SUSD2: variants seen among roughly 807,000 people sequenced by gnomAD.
The protein encoded by SUSD2 is sushi domain-containing protein 2.
Under a neutral mutation model 93.8 loss-of-function variants are expected in SUSD2, and 86 were observed. The observed-to-expected ratio is 0.92, with a 90% CI of 0.77 to 1.10. The LOEUF is 1.10. Ranked by LOEUF, SUSD2 falls within the 50% of genes least tolerant of loss-of-function variation. The probability of loss-of-function intolerance (pLI) is 0.00; values close to 1 mark genes in which losing one functional copy is unlikely to be tolerated. For missense variants in SUSD2, 1,060 were observed against 1,137.0 expected (o/e 0.93, Z 0.97); for synonymous variants, 483 against 485.0 (o/e 1.00, Z 0.05).
At position 24,188,639 on chromosome 22, in the gene SUSD2, G is replaced by T. The variant is rs2047386898; in HGVS notation, c.*203G>T. 3.4e-6 allele frequency: 2 copies of T among 581,610 alleles called. No homozygotes were observed. Among genetic ancestry groups the T allele is most frequent in the African/African-American group, 1.9e-5 (1 of 53,652 alleles). The allele number at this position is 581,610 out of a possible 1,614,324, so 36.0% of individuals were successfully genotyped here. A position where few individuals can be genotyped will look rare whatever the true frequency, so the allele number is the denominator to read the frequency against. On this transcript the variant is annotated 3_prime_UTR_variant, in exon 15 of 15. Coordinates refer to ENST00000358321, the MANE Select transcript of SUSD2 (RefSeq NM_019601.4). The surrounding 1 kb of genome is among the most constrained non-coding windows in gnomAD (Gnocchi z 4.7). ...AAGCCCCGTGCTAGCAGCGCTCCGT[G>T]CTCTTCCCCAAATACTCACGGCTCT...
At chr22:24,182,831 C>T (rs536452688) in intron 1 of SUSD2, 19 of 561,700 alleles carry the variant, frequency 3.4e-5, no homozygotes, top group Admixed American at 2.3e-4. Flanking sequence ...CATTCTAGCC[C>T]GTCAGTCAGG....
Position 24,187,275 on chromosome 22 carries a change from C to T in SUSD2, c.1716C>T (p.Ser572=), listed in dbSNP as rs775485675. 6.2e-6 allele frequency: 10 copies of T among 1,614,034 alleles called. No individual in the cohort carries two copies. The highest frequency in any genetic ancestry group is 2.2e-5 in the East Asian group (1 of 44,864). The change falls in exon 11 of 15, where the codon AGC becomes AGT. Residue 572 remains serine (S), a synonymous_variant. Coordinates refer to ENST00000358321, the MANE Select transcript of SUSD2 (RefSeq NM_019601.4). ...MLASGAGLEV[S]VQGPFLSVSV... is the part of the protein sequence containing the mutation. ...CATCAGGGGCCGGCCTGGAGGTCAG[C>T]GTGCAGGGCCCGTTCCTGAGTGTGT...
In SUSD2 at chr22:24,185,683, C is replaced by G; in HGVS notation, c.1093C>G (p.Gln365Glu). The G allele has an allele frequency of 6.2e-7, 1 of 1,610,612 alleles. No individual in the cohort carries two copies. The highest frequency in any genetic ancestry group is 8.5e-7 in the Non-Finnish European group (1 of 1,179,046). Residue 365 changes from glutamine (Q) to glutamate (E), a missense_variant, in exon 8 of 15, where the codon CAG becomes GAG. Physicochemically the swap from Gln to Glu is conservative, Grantham distance 29. This residue lies in a region of SUSD2 where 973 missense variants were observed against 1,005.3 expected (regional missense o/e 0.97). Coordinates refer to ENST00000358321, the MANE Select transcript of SUSD2 (RefSeq NM_019601.4). ...QASLRYGSGQ[Q>E]CCYTADGTQL... ...CAGCCTCCGGTACGGCTCAGGTCAG[C>G]AGTGCTGCTACACAGCGGACGGGAC...
At chr22:24,184,711 C>A in intron 4 of SUSD2, 55 bp from the exon 5 acceptor site, 1 of 1,461,132 alleles carries the variant, frequency 6.8e-7, no homozygotes, top group Non-Finnish European at 9.2e-7. Flanking sequence ...GGTGGCAAGG[C>A]CTGGGGCCAG....
chr22:24,181,999 C>T (rs1025322460), intron 1 of SUSD2, among the ~76,000 whole-genome samples: 2 of 152,220 alleles, frequency 1.3e-5, no homozygotes, highest in Non-Finnish European at 2.9e-5. Flanking sequence ...GTCCCCCACC[C>T]CATTTCCCAT....
chr22:24,184,364 G>C, intron 4 of SUSD2, 61 bp downstream of exon 4: 1 of 1,567,150 alleles, frequency 6.4e-7, no homozygotes, highest in Non-Finnish European at 8.7e-7. Flanking sequence ...GGGGAGAAAG[G>C]GGGTCCCAGC....
At position 24,183,175 on chromosome 22, in the gene SUSD2, A is replaced by G. The variant is rs1402857875; in HGVS notation, c.195A>G (p.Ile65Met). Residue 65 changes from isoleucine (I) to methionine (M), a missense_variant, in exon 2 of 15, where the codon ATA becomes ATG. By Grantham distance (10) the Ile-to-Met change is conservative. Transcript: ENST00000358321. ...ATTTCCGGGACTTCTGCCTGGAGAT[A>G]TTGCCCTACTCAGGATCCATGATGG... is the stretch of plus-strand genomic sequence containing the variant. ...CLDFRDFCLE[I>M]LPYSGSMMGG... 6.2e-7 allele frequency: 1 copy of G among 1,613,990 alleles called. No individual in the cohort carries two copies. The highest frequency in any genetic ancestry group is 1.1e-5 in the South Asian group (1 of 91,084).
intron 1 of SUSD2, 47 bp downstream of exon 1, chr22:24,181,642 C>T: frequency 1.4e-6 from 2 of 1,453,000 alleles, no homozygotes; most frequent in Non-Finnish European, 1.9e-6. Context: ...GTCCATCTGT[C>T]TGCAGCCAGG....
In SUSD2 at chr22:24,182,895, G is replaced by A. The variant is rs948491079; in HGVS notation, c.77-162G>A. 2,178 of 613,752 alleles carry A rather than the reference G, an allele frequency of 3.5e-3. 33 individuals carry two copies. Among genetic ancestry groups the A allele is most frequent in the African/African-American group, 0.035 (1,902 of 54,228 alleles). 38.0% of individuals were successfully genotyped at this position (613,752 alleles called of 1,614,324 possible). A position where few individuals can be genotyped will look rare whatever the true frequency, so the allele number is the denominator to read the frequency against. On this transcript the variant is annotated intron_variant, in intron 1 of 14. Transcript: ENST00000358321. Reference sequence around the variant, plus strand: ...TCATCCCATCCCCACGGGCCCTGTGGCTTTCTACTGTGTCCACCTGGTGGC... The same window carrying A: ...TCATCCCATCCCCACGGGCCCTGTGACTTTCTACTGTGTCCACCTGGTGGC...
At chr22:24,184,482 C>A (rs2148865645) in intron 4 of SUSD2, among the ~76,000 whole-genome samples, 179 bp downstream of exon 4, 1 of 151,528 alleles carries the variant, frequency 6.6e-6, no homozygotes, top group East Asian at 1.9e-4. Context: ...GGGGGTCAGG[C>A]AGGTGGGAGG....
In SUSD2 at chr22:24,186,414, A is replaced by G. The variant is rs2047367000; in HGVS notation, c.1641A>G (p.Lys547=). 3.7e-6 allele frequency: 6 copies of G among 1,613,046 alleles called. No individual in the cohort carries two copies. The highest frequency in any genetic ancestry group is 5.1e-6 in the Non-Finnish European group (6 of 1,179,974). ...SFTEQSWMDL[K]GMFLSVAAGD... is the part of the protein sequence containing the mutation. ...CCGAGCAGAGCTGGATGGACCTGAA[A>G]GGTGAGCAGTCCAGCCACGCGAGGC... Residue 547 remains lysine (K), a splice_region_variant and synonymous_variant, in exon 10 of 15, where the codon AAA becomes AAG. Coordinates refer to ENST00000358321, the MANE Select transcript of SUSD2 (RefSeq NM_019601.4).
chr22:24,188,015 T>G lies in SUSD2; in HGVS notation c.2221T>G (p.Tyr741Asp), dbSNP rs2047382174. 1.2e-6 allele frequency: 2 copies of G among 1,612,844 alleles called. No homozygotes were observed. The highest frequency in any genetic ancestry group is 1.7e-6 in the Non-Finnish European group (2 of 1,179,992). The change falls in exon 13 of 15, where the codon TAC becomes GAC. Residue 741 changes from tyrosine to aspartate, a missense_variant. Coordinates refer to ENST00000358321, the MANE Select transcript of SUSD2 (RefSeq NM_019601.4). The surrounding 1 kb of genome is among the most constrained non-coding windows in gnomAD (Gnocchi z 4.7). The stretch of plus-strand genomic sequence containing the variant: ...CAACGGACAAAAGGAGGGCAACAGG[T>G]ACCTGGCGGGTTCCACCATCTACTT... ...PPNGQKEGNR[Y>D]LAGSTIYFHC...
In SUSD2 at chr22:24,185,720, C is replaced by G. The variant is rs757168250; in HGVS notation, c.1130C>G (p.Thr377Arg). 2 of 1,610,528 alleles carry G rather than the reference C, an allele frequency of 1.2e-6. No homozygotes were observed. Among genetic ancestry groups the G allele is most frequent in the Admixed American group, 1.7e-5 (1 of 59,832 alleles). ...ACAGCGGACGGGACGCAGCTCCTGA[C>G]AGCTGACTCCAGCGGCGGCAGCACT... ...CYTADGTQLL[T>R]ADSSGGSTPD... is the part of the protein sequence containing the mutation. The change falls in exon 8 of 15, where the codon ACA becomes AGA. Residue 377 changes from threonine to arginine, a missense_variant. Physicochemically the swap from Thr to Arg is moderately conservative, Grantham distance 71 (BLOSUM62 -1). This residue lies in a region of SUSD2 where 973 missense variants were observed against 1,005.3 expected (regional missense o/e 0.97). Transcript: ENST00000358321.
rs751006750 is a variant in SUSD2, at chr22:24,186,172, C to G, written c.1483+13C>G. ...ACGATGTCCAACGGTGAGGCCAGGG[C>G]TAGGGGCTGCTCTGGTTGGCATGGG... is the stretch of plus-strand genomic sequence containing the variant. On this transcript the variant is annotated intron_variant, in intron 9 of 14. Coordinates refer to ENST00000358321, the MANE Select transcript of SUSD2 (RefSeq NM_019601.4). 3 of 1,608,098 alleles carry G rather than the reference C, an allele frequency of 1.9e-6. No individual in the cohort carries two copies. In the South Asian group the frequency reaches 3.3e-5, roughly 18 times the overall value.
In SUSD2 at chr22:24,181,583, G is replaced by A. The variant is rs578185600; in HGVS notation, c.64G>A (p.Gly22Arg). The A allele has an allele frequency of 4.4e-6, 7 of 1,598,478 alleles. No individual in the cohort carries two copies. The highest frequency in any genetic ancestry group is 3.4e-5 in the South Asian group (3 of 88,602). Residue 22 changes from glycine (G) to arginine (R), a missense_variant, in exon 1 of 15, where the codon GGA becomes AGA. Physicochemically the swap from Gly to Arg is moderately radical, Grantham distance 125 (BLOSUM62 -2). This residue lies in a region of SUSD2 where 87 missense variants were observed against 131.6 expected (regional missense o/e 0.66). Transcript: ENST00000358321. ...LLATALGPGP[G>R]PTADAQESCS... ...GGCGACAGCCCTCGGCCCGGGCCCC[G>A]GACCCACAGCAGGTATGCCTCCCTG... is the stretch of plus-strand genomic sequence containing the variant.
At chr22:24,183,775 C>T (rs866055452) in intron 3 of SUSD2, 129 bp downstream of exon 3, 21 of 1,076,282 alleles carry the variant, frequency 2.0e-5, no homozygotes, top group Middle Eastern at 6.1e-4. Context: ...GAGGCCTGCC[C>T]GCCTGCGAGA....
rs768030025 is a variant in SUSD2 at position 24,183,268 on chromosome 22, G to T, written c.287+1G>T. The T allele has an allele frequency of 1.2e-6, 2 of 1,611,040 alleles. No homozygotes were observed. The highest frequency in any genetic ancestry group is 1.7e-5 in the Admixed American group (1 of 59,924). On this transcript the variant is annotated splice_donor_variant, in intron 2 of 14. Transcript: ENST00000358321. LOFTEE classifies it high-confidence loss of function. ...CCACAGACGCCAGTGTGATCTGCAG[G>T]TTGGGAGGCCCAGGAGGCCGGGCAC...
chr22:24,184,517 A>T (rs2877203), intron 4 of SUSD2, among the ~76,000 whole-genome samples: 1 of 151,856 alleles, frequency 6.6e-6, no homozygotes, highest in East Asian at 1.9e-4. Context: ...GCCTGGCTCC[A>T]GGGGAGGAGG....
chr22:24,187,857 G>A lies in SUSD2; in HGVS notation c.2164+14G>A, dbSNP rs760513763. On this transcript the variant is annotated intron_variant, in intron 12 of 14. Coordinates refer to ENST00000358321, the MANE Select transcript of SUSD2 (RefSeq NM_019601.4). ...GCCTGCAGCCAGGTGAGGGCGGGCA[G>A]GTGGGGGTGGGCGGGGAGCTGGGAC... The A allele has an allele frequency of 2.5e-6, 4 of 1,606,694 alleles. No homozygotes were observed. In the East Asian group the frequency reaches 6.7e-5, roughly 27 times the overall value.
Sources: gnomAD v4.1 joint callset for allele counts (sites outside exome capture counted in the v4.1 genomes callset) on GRCh38, gnomAD v4.1.1 for gene constraint, gnomAD v4.1.1 regional missense constraint, Gnocchi (gnomAD v3.1) non-coding constraint, MANE v1.5 for transcripts, NCBI Gene and HGNC (gene_info 2026-07-23, HGNC 2026-07-21) for gene names.